SNX1: variants seen among roughly 807,000 people sequenced by gnomAD.
SNX1 encodes sorting nexin-1.
In SNX1, 36 loss-of-function variants were observed where a neutral mutation model predicts 71.8. That is an observed-to-expected ratio of 0.50 (90% confidence interval 0.38 to 0.66). The LOEUF (loss-of-function observed/expected upper bound fraction) is 0.66. Among genes scored for constraint, SNX1 ranks in the 30% least tolerant of loss-of-function variants. The probability of loss-of-function intolerance (pLI) is 0.00; values close to 1 mark genes in which losing one functional copy is unlikely to be tolerated. For synonymous variants in SNX1, 254 were observed against 240.7 expected, an observed-to-expected ratio of 1.06 and a Z score of -0.51; for missense variants, 612 against 646.7, an observed-to-expected ratio of 0.95 and a Z score of 0.58.
At chr15:64,107,766 G>A (rs2081037292) in intron 1 of SNX1, among the ~76,000 whole-genome samples, 1 of 151,606 alleles carries the variant, frequency 6.6e-6, no homozygotes, top group Non-Finnish European at 1.5e-5. Context: ...AAGCAAGGGC[G>A]ATTCTTTGGC....
In SNX1 at chr15:64,131,765, G is replaced by A. The variant is rs377571348; in HGVS notation, c.1094G>A (p.Arg365Gln). 212 of 1,614,156 alleles carry A rather than the reference G, an allele frequency of 1.3e-4. No individual in the cohort carries two copies. Among genetic ancestry groups the A allele is most frequent in the Non-Finnish European group, 1.7e-4 (205 of 1,180,034 alleles). The change falls in exon 11 of 15, where the codon CGG (arginine) becomes CAG (glutamine). Residue 365 changes from arginine to glutamine, a missense_variant. By Grantham distance (43) the Arg-to-Gln change is conservative (BLOSUM62 1). Transcript: ENST00000559844. ...TCTGAGGACAACACGGCATTGTCAC[G>A]GGCACTCTCCCAGCTGGCTGAGGTG... ...GSSEDNTALS[R>Q]ALSQLAEVEE... is the part of the protein sequence containing the mutation.
chr15:64,127,105 T>TA (rs556798683), intron 6 of SNX1, 69 bp from the exon 7 acceptor site: 24,739 of 1,052,924 alleles, frequency 0.023, 5 homozygotes, highest in Non-Finnish European at 0.026. Context: ...TGTTGACACT[T>TA]AAAAAAAAAA....
intron 1 of SNX1, among the ~76,000 whole-genome samples, chr15:64,105,620 G>A (rs1405422809): frequency 6.6e-6 from 1 of 152,158 alleles, no homozygotes; most frequent in Non-Finnish European, 1.5e-5. Context: ...AATTTAGAAG[G>A]TAATCCACCC....
chr15:64,118,871 A>T lies in SNX1; in HGVS notation c.466+17A>T. The T allele has an allele frequency of 6.3e-7, 1 of 1,597,642 alleles. No homozygotes were observed. The highest frequency in any genetic ancestry group is 8.6e-7 in the Non-Finnish European group (1 of 1,166,636). On this transcript the variant is annotated intron_variant, in intron 4 of 14. Transcript: ENST00000559844. ...AGAAGATAGGTAAGTGGTTCTTAGG[A>T]CTCCTTGTGATGTTAGGATGTGGCT...
In SNX1 at chr15:64,139,283, G is replaced by A. The variant is rs1023178240; in HGVS notation, c.*1665G>A. On this transcript the variant is annotated 3_prime_UTR_variant, in exon 15 of 15. Transcript: ENST00000559844. ...ATCTGTAAAGCTGTGTAATTTGAAG[G>A]CATCCATAGGGTGACTGTACCATAA... 1.8e-4 allele frequency: 26 copies of A among 144,488 alleles called. 2 individuals carry two copies. The East Asian group carries it at 1.8e-3, about 10-fold the overall frequency. The allele number at this position is 144,488 out of a possible 1,614,324, so 9.0% of individuals were successfully genotyped here.
In SNX1 at chr15:64,139,184, A is replaced by T. The variant is rs2081391226; in HGVS notation, c.*1566A>T. ...ATAATATACACATAAAGTATTTTGT[A>T]TCCTGCTTTTATCATTCAACATTGT... On this transcript the variant is annotated 3_prime_UTR_variant, in exon 15 of 15. Coordinates refer to ENST00000559844, the MANE Select transcript of SNX1 (RefSeq NM_003099.5). The T allele has an allele frequency of 2.6e-5, 4 of 151,976 alleles. No individual in the cohort carries two copies. Among genetic ancestry groups the T allele is most frequent in the Non-Finnish European group, 5.9e-5 (4 of 67,996 alleles). The allele number at this position is 151,976 out of a possible 1,614,324, so 9.4% of individuals were successfully genotyped here.
chr15:64,130,310 A>G lies in SNX1; in HGVS notation c.1004A>G (p.Asn335Ser), dbSNP rs1285186868. ...CATGCTGTTGTAGAAACTCTAGTCAACCATAGGAAAGGTAACAAGCTCTGA... is the reference window on the plus strand; with the variant it reads ...CATGCTGTTGTAGAAACTCTAGTCAGCCATAGGAAAGGTAACAAGCTCTGA... ...KLHAVVETLV[N>S]HRKELALNTA... Residue 335 changes from asparagine (N) to serine (S), a missense_variant, in exon 10 of 15, where the codon AAC (asparagine) becomes AGC (serine). Asn to Ser is a conservative substitution (Grantham distance 46, BLOSUM62 1). Coordinates refer to ENST00000559844, the MANE Select transcript of SNX1 (RefSeq NM_003099.5). 6 of 1,613,714 alleles carry G rather than the reference A, an allele frequency of 3.7e-6. No homozygotes were observed. In the African/African-American group the frequency reaches 6.7e-5, roughly 18 times the overall value.
Position 64,143,813 on chromosome 15 carries a change from C to A in SNX1, c.*6195C>A, listed in dbSNP as rs191801706. ...TCACTGAGGATCCTCATAGGCACTT[C>A]TAGAAACCAAATCCTTGAAGATGAC... On this transcript the variant is annotated 3_prime_UTR_variant, in exon 15 of 15. Coordinates refer to ENST00000559844, the MANE Select transcript of SNX1 (RefSeq NM_003099.5). The A allele has an allele frequency of 6.6e-6, 1 of 152,332 alleles. No homozygotes were observed. The highest frequency in any genetic ancestry group is 6.5e-5 in the Admixed American group (1 of 15,308). The allele number at this position is 152,332 out of a possible 1,614,324, so 9.4% of individuals were successfully genotyped here.
chr15:64,126,306 C>T (rs1231169552), intron 6 of SNX1, 86 bp downstream of exon 6: 2 of 1,326,642 alleles, frequency 1.5e-6, no homozygotes, highest in African/African-American at 1.5e-5. Flanking sequence ...TATGAGACTA[C>T]TTCTATTAAC....
At chr15:64,105,928 C>T (rs2081016190) in intron 1 of SNX1, among the ~76,000 whole-genome samples, 1 of 151,922 alleles carries the variant, frequency 6.6e-6, no homozygotes, top group Non-Finnish European at 1.5e-5. Context: ...AATTGGCAGG[C>T]CCTGTAAAGC....
In SNX1 at chr15:64,138,195, T is replaced by C; in HGVS notation, c.*577T>C. ...CTCCGCCTACCTCAGCTACCTGTTC[T>C]GAGGGTCTCAATCTGTTTCGTATTC... On this transcript the variant is annotated 3_prime_UTR_variant, in exon 15 of 15. Transcript: ENST00000559844. 1 of 1,530,902 alleles carries C rather than the reference T, an allele frequency of 6.5e-7. No homozygotes were observed. Among genetic ancestry groups the C allele is most frequent in the East Asian group, 2.4e-5 (1 of 40,900 alleles). 94.8% of individuals were successfully genotyped at this position (1,530,902 alleles called of 1,614,324 possible). A position where few individuals can be genotyped will look rare whatever the true frequency, so the allele number is the denominator to read the frequency against.
chr15:64,122,266 TTC>T (rs2081203532), intron 4 of SNX1, among the ~76,000 whole-genome samples: 1 of 149,014 alleles, frequency 6.7e-6, no homozygotes. Flanking sequence ...AAACTTAGAT[TTC>T]TTTTTTTTTT....
chr15:64,133,828 G>A (rs569127093), intron 11 of SNX1, among the ~76,000 whole-genome samples: 1 of 152,340 alleles, frequency 6.6e-6, no homozygotes, highest in East Asian at 1.9e-4. Context: ...CCTTGATCCA[G>A]GCTGCTGCTT....
rs1391556556 is a variant in SNX1 at position 64,141,918 on chromosome 15, GC to G, written c.*4304del. Reference sequence around the variant, plus strand: ...GAGGGGAGAGGGAGGTAGCTAGGATGCCCCGCAAGCTTCTGGCCCAGACACT... The same window carrying G: ...GAGGGGAGAGGGAGGTAGCTAGGATGCCCGCAAGCTTCTGGCCCAGACACT... On this transcript the variant is annotated 3_prime_UTR_variant, in exon 15 of 15. Coordinates refer to ENST00000559844, the MANE Select transcript of SNX1 (RefSeq NM_003099.5). This position sits in a 1 kb window ranked among gnomAD's most constrained non-coding sequence, Gnocchi z 5.1. The G allele has an allele frequency of 6.6e-6, 1 of 152,258 alleles. No individual in the cohort carries two copies. The highest frequency in any genetic ancestry group is 1.5e-5 in the Non-Finnish European group (1 of 68,106). 9.4% of individuals were successfully genotyped at this position (152,258 alleles called of 1,614,324 possible). A position where few individuals can be genotyped will look rare whatever the true frequency, so the allele number is the denominator to read the frequency against.
At chr15:64,122,688 G>A (rs927848854) in intron 4 of SNX1, among the ~76,000 whole-genome samples, 1 of 152,064 alleles carries the variant, frequency 6.6e-6, no homozygotes, top group Non-Finnish European at 1.5e-5. Context: ...GGGGAGGCAG[G>A]GAACAAAACC....
In SNX1 at chr15:64,142,154, T is replaced by A. The variant is rs1251099335; in HGVS notation, c.*4536T>A. 6.5e-6 allele frequency: 1 copy of A among 153,800 alleles called. No homozygotes were observed. Among genetic ancestry groups the A allele is most frequent in the Non-Finnish European group, 1.4e-5 (1 of 69,318 alleles). The allele number at this position is 153,800 out of a possible 1,614,324, so 9.5% of individuals were successfully genotyped here. A position where few individuals can be genotyped will look rare whatever the true frequency, so the allele number is the denominator to read the frequency against. ...AAGAATTTGAGACCAGCCTGGGGAATATAGTGAGACCCTGTCCCTACAAAA... is the reference window on the plus strand; with the variant it reads ...AAGAATTTGAGACCAGCCTGGGGAAAATAGTGAGACCCTGTCCCTACAAAA... On this transcript the variant is annotated 3_prime_UTR_variant, in exon 15 of 15. Transcript: ENST00000559844.
At chr15:64,101,143 G>A (rs1028506622) in intron 1 of SNX1, among the ~76,000 whole-genome samples, 2 of 152,116 alleles carry the variant, frequency 1.3e-5, no homozygotes, top group African/African-American at 4.8e-5. Flanking sequence ...AAATTCACAT[G>A]ACAAAATTTG....
intron 12 of SNX1, among the ~76,000 whole-genome samples, chr15:64,135,620 G>A (rs549513823): frequency 7.2e-5 from 11 of 151,764 alleles, no homozygotes; most frequent in Admixed American, 2.6e-4. Flanking sequence ...TTAGCTGGGC[G>A]TGGTAGCACC....
At chr15:64,104,185 T>C (rs776096487) in intron 1 of SNX1, among the ~76,000 whole-genome samples, 1 of 152,140 alleles carries the variant, frequency 6.6e-6, no homozygotes, top group Non-Finnish European at 1.5e-5. Context: ...TTGATCATTG[T>C]ATTGTACTAG....
Sources: gnomAD v4.1 joint callset for allele counts (sites outside exome capture counted in the v4.1 genomes callset) on GRCh38, gnomAD v4.1.1 for gene constraint, Gnocchi (gnomAD v3.1) non-coding constraint, MANE v1.5 for transcripts, NCBI Gene and HGNC (gene_info 2026-07-23, HGNC 2026-07-21) for gene names.